Variants in FAM81A observed in about 807,000 individuals in gnomAD.
FAM81A encodes family with sequence similarity 81 member A.
FAM81A carries 19 observed loss-of-function variants against 46.7 expected under a neutral mutation model. That is an observed-to-expected ratio of 0.41 (90% CI 0.28 to 0.60). The LOEUF (loss-of-function observed/expected upper bound fraction) is 0.60. Ranked by LOEUF, FAM81A falls within the 20% of genes least tolerant of loss-of-function variation. The pLI, the probability that FAM81A is intolerant of heterozygous loss-of-function variation, is 0.34. For synonymous variants in FAM81A, 183 were observed against 152.9 expected, an observed-to-expected ratio of 1.20 and a Z score of -1.45; for missense variants, 377 against 453.5, an observed-to-expected ratio of 0.83 and a Z score of 1.53.
At chr15:59,464,278 T>C (rs1427735088) in intron 3 of FAM81A, among the ~76,000 whole-genome samples, 1 of 152,200 alleles carries the variant, frequency 6.6e-6, no homozygotes, top group Non-Finnish European at 1.5e-5. Context: ...GCAATAAACA[T>C]GGGGGTGAAG....
At chr15:59,440,117 T>A (rs62013071) in intron 1 of FAM81A, 52,836 of 151,870 alleles carry the variant, frequency 0.35, 9,895 homozygotes, top group Middle Eastern at 0.46. Context: ...AAGTCTCCTC[T>A]CGGAAGGTAG....
chr15:59,410,716 C>T (rs2081116655), intron 2 of FAM81A, among the ~76,000 whole-genome samples: 2 of 152,238 alleles, frequency 1.3e-5, no homozygotes, highest in South Asian at 4.1e-4. Flanking sequence ...TGTATTTAAA[C>T]CAAGCTCAAG....
intron 1 of FAM81A, among the ~76,000 whole-genome samples, chr15:59,450,015 C>G (rs2081399310): frequency 2.0e-5 from 3 of 151,366 alleles, no homozygotes; most frequent in South Asian, 4.2e-4. Flanking sequence ...TTGACCTCCC[C>G]AGGATCAGGT....
At chr15:59,484,308 G>A (rs1377300238) in intron 3 of FAM81A, among the ~76,000 whole-genome samples, 1 of 152,150 alleles carries the variant, frequency 6.6e-6, no homozygotes, top group African/African-American at 2.4e-5. Flanking sequence ...GAGGAAGATG[G>A]CAGAATAGAA....
intron 3 of FAM81A, among the ~76,000 whole-genome samples, chr15:59,488,300 C>G (rs993982088): frequency 1.8e-4 from 27 of 151,968 alleles, no homozygotes; most frequent in Admixed American, 2.0e-4. Flanking sequence ...TATGACAGAC[C>G]CACAGTTAGT....
upstream of FAM81A, among the ~76,000 whole-genome samples, chr15:59,435,385 C>T (rs6494112): frequency 0.2 from 29,692 of 152,094 alleles, 3,118 homozygotes; most frequent in Middle Eastern, 0.25. Context: ...CTGGGGATGC[C>T]GAGGCCGGCG....
At chr15:59,503,453 T>C (rs1255017797) in intron 4 of FAM81A, among the ~76,000 whole-genome samples, 1 of 152,150 alleles carries the variant, frequency 6.6e-6, no homozygotes, top group African/African-American at 2.4e-5. Context: ...TATACTATTC[T>C]GCAACATAAG....
intron 3 of FAM81A, among the ~76,000 whole-genome samples, chr15:59,478,224 G>A (rs1436676185): frequency 6.6e-6 from 1 of 152,172 alleles, no homozygotes; most frequent in East Asian, 1.9e-4. Context: ...AGAATCTGCG[G>A]ACCTACTTTA....
intron 2 of FAM81A, among the ~76,000 whole-genome samples, chr15:59,411,012 A>T (rs2081118116): frequency 6.6e-6 from 1 of 152,122 alleles, no homozygotes. Flanking sequence ...GGCCTCCCAA[A>T]GTGCTGGGAT....
At chr15:59,453,043 A>G (rs750674136) in intron 1 of FAM81A, among the ~76,000 whole-genome samples, 3 of 152,214 alleles carry the variant, frequency 2.0e-5, no homozygotes, top group Non-Finnish European at 4.4e-5. Context: ...GATCATAGGC[A>G]TGAGCCACCG....
intron 4 of FAM81A, among the ~76,000 whole-genome samples, chr15:59,505,041 A>G (rs1224288313): frequency 6.6e-6 from 1 of 152,118 alleles, no homozygotes; most frequent in East Asian, 1.9e-4. Flanking sequence ...CTTTGCCATT[A>G]TCTCTATTTC....
chr15:59,521,402 A>C lies in FAM81A; in HGVS notation c.*24A>C, dbSNP rs990362661. ...GAAGGGAGCTGGGACAAGGTCCTAA[A>C]AGACAGTTTTGCCAGTGGGGCTAGG... On this transcript the variant is annotated 3_prime_UTR_variant, in exon 9 of 9. Coordinates refer to ENST00000288228, the MANE Select transcript of FAM81A (RefSeq NM_152450.3). 1 of 1,583,590 alleles carries C rather than the reference A, an allele frequency of 6.3e-7. No individual in the cohort carries two copies. The highest frequency in any genetic ancestry group is 1.9e-5 in the Admixed American group (1 of 53,830).
At chr15:59,520,603 G>C (rs542733445) in intron 8 of FAM81A, among the ~76,000 whole-genome samples, 1 of 138,986 alleles carries the variant, frequency 7.2e-6, no homozygotes, top group East Asian at 2.1e-4. Context: ...TTGCTCTGTC[G>C]CCGAGGCTGG....
At chr15:59,479,620 T>TA (rs2081823709) in intron 3 of FAM81A, among the ~76,000 whole-genome samples, 2 of 149,238 alleles carry the variant, frequency 1.3e-5, no homozygotes, top group African/African-American at 5.0e-5. Flanking sequence ...GGTGGTGGTG[T>TA]TGAGGGAGGA....
intron 4 of FAM81A, among the ~76,000 whole-genome samples, chr15:59,506,045 A>G (rs1281638787): frequency 6.6e-6 from 1 of 152,206 alleles, no homozygotes; most frequent in Non-Finnish European, 1.5e-5. Flanking sequence ...GTCTTATTCC[A>G]GAAGGTGTCA....
At chr15:59,466,848 T>C (rs1193442129) in intron 3 of FAM81A, among the ~76,000 whole-genome samples, 4 of 152,222 alleles carry the variant, frequency 2.6e-5, no homozygotes, top group Non-Finnish European at 5.9e-5. Flanking sequence ...AGGTCTAACA[T>C]TTAAGTCTTT....
At chr15:59,479,295 G>A (rs964200697) in intron 3 of FAM81A, among the ~76,000 whole-genome samples, 3 of 151,982 alleles carry the variant, frequency 2.0e-5, no homozygotes, top group South Asian at 2.1e-4. Flanking sequence ...TGCAGATCAC[G>A]AGGTCAGGAG....
At chr15:59,421,869 CTCTATCTATCTA>C (rs59527837) in intron 2 of FAM81A, among the ~76,000 whole-genome samples, 14,552 of 146,984 alleles carry the variant, frequency 0.099, 797 homozygotes, top group East Asian at 0.14. Context: ...ACCCTCAACC[CTCTATCTATCTA>C]TCTATCTATC....
intron 3 of FAM81A, among the ~76,000 whole-genome samples, chr15:59,469,156 T>C (rs1256011630): frequency 6.6e-6 from 1 of 152,162 alleles, no homozygotes; most frequent in Non-Finnish European, 1.5e-5. Context: ...AGAATAAGTG[T>C]GATGTGGTGC....
Sources: gnomAD v4.1 joint callset for allele counts (sites outside exome capture counted in the v4.1 genomes callset) on GRCh38, gnomAD v4.1.1 for gene constraint, MANE v1.5 for transcripts, NCBI Gene and HGNC (gene_info 2026-07-23, HGNC 2026-07-21) for gene names.